Variants in CNTNAP5 observed in about 807,000 individuals in gnomAD.
CNTNAP5 encodes the protein contactin associated protein family member 5, also known as contactin-associated protein-like 5.
Under a neutral mutation model 150.2 loss-of-function variants are expected in CNTNAP5, and 72 were observed. The observed-to-expected ratio is 0.48, with a 90% CI of 0.40 to 0.58. The LOEUF (loss-of-function observed/expected upper bound fraction) is 0.58, where lower values mean the gene tolerates loss of function less well. Ranked by LOEUF, CNTNAP5 falls within the 20% of genes least tolerant of loss-of-function variation. CNTNAP5 has a pLI of 0.00. For missense variants in CNTNAP5, 1,636 were observed against 1,626.2 expected (o/e 1.01, Z -0.10); for synonymous variants, 672 against 619.8 (o/e 1.08, Z -1.25).
chr2:124,470,687 T>C (rs1436517982), intron 6 of CNTNAP5, among the ~76,000 whole-genome samples: 2 of 152,138 alleles, frequency 1.3e-5, no homozygotes, highest in East Asian at 3.9e-4. Context: ...CTTCTGGAGT[T>C]TTTAGAGTTT....
chr2:124,200,336 T>A lies in CNTNAP5; in HGVS notation c.83-21369T>A, dbSNP rs911298473. On this transcript the variant is annotated intron_variant, in intron 1 of 23. Transcript: ENST00000682447. ...TAGAATTTACTCTAAATTACTGAGG[T>A]CTCTTATTCATATATATTTCTTTTT... is the stretch of plus-strand genomic sequence containing the variant. Among the ~76,000 whole-genome samples, 4 of 152,258 alleles carry A rather than the reference T, an allele frequency of 2.6e-5. No homozygotes were observed. In the East Asian group the frequency reaches 7.7e-4, roughly 29 times the overall value.
intron 8 of CNTNAP5, among the ~76,000 whole-genome samples, chr2:124,516,734 C>CT (rs748693990): frequency 2.6e-4 from 40 of 152,100 alleles, no homozygotes; most frequent in Non-Finnish European, 4.3e-4. Flanking sequence ...TCATTGACAC[C>CT]TTGCAACATT....
At chr2:124,299,596 C>T (rs149233542) in intron 3 of CNTNAP5, among the ~76,000 whole-genome samples, 2 of 150,630 alleles carry the variant, frequency 1.3e-5, no homozygotes, top group Non-Finnish European at 2.9e-5. Flanking sequence ...CATTGATGAG[C>T]ATTTAGGTCG....
At chr2:124,216,997 G>A (rs1333871178) in intron 1 of CNTNAP5, among the ~76,000 whole-genome samples, 2 of 152,132 alleles carry the variant, frequency 1.3e-5, no homozygotes, top group Non-Finnish European at 2.9e-5. Flanking sequence ...CTAGTTTACG[G>A]TCCCACCAAC....
intron 11 of CNTNAP5, among the ~76,000 whole-genome samples, chr2:124,568,586 T>G (rs1234824422): frequency 1.3e-5 from 2 of 152,230 alleles, no homozygotes; most frequent in African/African-American, 4.8e-5. Flanking sequence ...AACTCCAAAT[T>G]ATTTTAATAA....
intron 3 of CNTNAP5, among the ~76,000 whole-genome samples, chr2:124,255,713 G>A (rs780086832): frequency 1.8e-4 from 28 of 152,012 alleles, no homozygotes; most frequent in Non-Finnish European, 2.8e-4. Context: ...TTTAAGAGAG[G>A]TGCCAAGTAC....
chr2:124,261,166 C>T (rs1687443418), intron 3 of CNTNAP5, among the ~76,000 whole-genome samples: 2 of 152,064 alleles, frequency 1.3e-5, no homozygotes. Flanking sequence ...AAATGAAGGC[C>T]ATGTTCATCT....
intron 3 of CNTNAP5, among the ~76,000 whole-genome samples, chr2:124,300,008 G>A (rs146278863): frequency 0.01 from 1,546 of 152,302 alleles, 10 homozygotes; most frequent in Non-Finnish European, 0.016. Flanking sequence ...TGGCTAGGAA[G>A]TTTAGGAGAA....
chr2:124,787,546 A>G (rs1681625205), intron 17 of CNTNAP5, among the ~76,000 whole-genome samples: 1 of 152,160 alleles, frequency 6.6e-6, no homozygotes, highest in South Asian at 2.1e-4. Context: ...ATAAATTTCT[A>G]TGGATGTAGC....
intron 19 of CNTNAP5, among the ~76,000 whole-genome samples, chr2:124,802,867 G>T (rs550494710): frequency 5.8e-4 from 89 of 152,248 alleles, no homozygotes; most frequent in African/African-American, 2.0e-3. Flanking sequence ...GCTCACACCT[G>T]TAATCCCAGC....
intron 12 of CNTNAP5, among the ~76,000 whole-genome samples, chr2:124,614,759 C>T (rs952077911): frequency 1.3e-5 from 2 of 152,152 alleles, no homozygotes; most frequent in Non-Finnish European, 2.9e-5. Context: ...CCTGTTTTAT[C>T]AGCAAGGTCT....
At chr2:124,880,622 A>C (rs1677945819) in intron 21 of CNTNAP5, among the ~76,000 whole-genome samples, 1 of 152,140 alleles carries the variant, frequency 6.6e-6, no homozygotes, top group South Asian at 2.1e-4. Context: ...CATTGTTTGT[A>C]GATAATTCAT....
At chr2:124,088,797 G>T (rs188415508) in intron 1 of CNTNAP5, among the ~76,000 whole-genome samples, 1 of 152,204 alleles carries the variant, frequency 6.6e-6, no homozygotes, top group East Asian at 1.9e-4. Flanking sequence ...CAAAGTCCTG[G>T]CTCCCTACTT....
chr2:124,404,106 A>G (rs1474728942), intron 3 of CNTNAP5, among the ~76,000 whole-genome samples: 1 of 152,160 alleles, frequency 6.6e-6, no homozygotes, highest in Admixed American at 6.5e-5. Flanking sequence ...ATTAGCACCC[A>G]AAGTTCATCT....
intron 1 of CNTNAP5, among the ~76,000 whole-genome samples, chr2:124,139,621 ACCG>A (rs1415914819): frequency 6.6e-6 from 1 of 152,188 alleles, no homozygotes; most frequent in Non-Finnish European, 1.5e-5. Flanking sequence ...GTCTCCAGAG[ACCG>A]GCGAAGGAGA....
intron 1 of CNTNAP5, among the ~76,000 whole-genome samples, chr2:124,045,783 A>G (rs7567584): frequency 0.061 from 9,231 of 152,222 alleles, 388 homozygotes; most frequent in East Asian, 0.18. Flanking sequence ...AGAAGGTAGA[A>G]TGAAGTAATA....
At chr2:124,408,519 G>A (rs1691655804) in intron 3 of CNTNAP5, among the ~76,000 whole-genome samples, 1 of 151,972 alleles carries the variant, frequency 6.6e-6, no homozygotes, top group African/African-American at 2.4e-5. Flanking sequence ...GGTTCTCCCA[G>A]CACGCAGCTG....
chr2:124,033,599 T>A (rs781541717), intron 1 of CNTNAP5, among the ~76,000 whole-genome samples: 7 of 152,218 alleles, frequency 4.6e-5, no homozygotes, highest in Non-Finnish European at 8.8e-5. Flanking sequence ...GAGATTCCAG[T>A]GCTGCCTTGC....
chr2:124,359,115 ATGG>A (rs1298947368), intron 3 of CNTNAP5, among the ~76,000 whole-genome samples: 1 of 151,980 alleles, frequency 6.6e-6, no homozygotes, highest in Non-Finnish European at 1.5e-5. Context: ...GTATTCTCTG[ATGG>A]TAGTTTGCAT....
Sources: gnomAD v4.1 joint callset for allele counts (sites outside exome capture counted in the v4.1 genomes callset) on GRCh38, gnomAD v4.1.1 for gene constraint, MANE v1.5 for transcripts, NCBI Gene and HGNC (gene_info 2026-07-23, HGNC 2026-07-21) for gene names.